LRP1B: variants seen among roughly 807,000 people sequenced by gnomAD.
The protein encoded by LRP1B is low-density lipoprotein receptor-related protein 1B.
Under a neutral mutation model 556.6 loss-of-function variants are expected in LRP1B, and 217 were observed. The observed-to-expected ratio is 0.39, with a 90% confidence interval of 0.35 to 0.44. LRP1B has a LOEUF of 0.44. Among genes scored for constraint, LRP1B ranks in the 20% least tolerant of loss-of-function variants. The probability of loss-of-function intolerance (pLI) is 1.00; values close to 1 mark genes in which losing one functional copy is unlikely to be tolerated. For missense variants in LRP1B, 5,053 were observed against 5,620.8 expected, an observed-to-expected ratio of 0.90 and a Z score of 3.23; for synonymous variants, 2,047 against 1,865.8, an observed-to-expected ratio of 1.10 and a Z score of -2.50.
chr2:142,111,683 A>T (rs926314435), intron 1 of LRP1B, among the ~76,000 whole-genome samples: 1 of 152,128 alleles, frequency 6.6e-6, no homozygotes, highest in South Asian at 2.1e-4. Flanking sequence ...CATCTGTTAC[A>T]GTGGGGATTC....
chr2:141,786,535 G>A (rs183281279), intron 2 of LRP1B, among the ~76,000 whole-genome samples: 1 of 151,966 alleles, frequency 6.6e-6, no homozygotes, highest in East Asian at 1.9e-4. Context: ...GCTTTTTTCT[G>A]TGTAATATAT....
intron 2 of LRP1B, among the ~76,000 whole-genome samples, chr2:141,502,977 C>T (rs1301046409): frequency 6.6e-6 from 1 of 150,644 alleles, no homozygotes; most frequent in African/African-American, 2.4e-5. Context: ...TTTTAAATCT[C>T]TAAGGCTATT....
At chr2:141,816,788 G>A (rs1385415638) in intron 1 of LRP1B, among the ~76,000 whole-genome samples, 1 of 151,444 alleles carries the variant, frequency 6.6e-6, no homozygotes, top group East Asian at 1.9e-4. Context: ...ATTCAAAAAT[G>A]ACATTTTTTT....
At chr2:141,691,394 C>T (rs1326091613) in intron 2 of LRP1B, among the ~76,000 whole-genome samples, 2 of 142,504 alleles carry the variant, frequency 1.4e-5, no homozygotes, top group East Asian at 2.2e-4. Context: ...TCCCAGTGAC[C>T]AGATGGAAAC....
At chr2:140,546,647 G>C (rs1158651758) in intron 43 of LRP1B, among the ~76,000 whole-genome samples, 1 of 151,958 alleles carries the variant, frequency 6.6e-6, no homozygotes. Context: ...CCTCCCACAG[G>C]GTCCCTCCCG....
chr2:140,360,893 A>G (rs1682472657), intron 72 of LRP1B, among the ~76,000 whole-genome samples: 1 of 151,500 alleles, frequency 6.6e-6, no homozygotes, highest in African/African-American at 2.4e-5. Context: ...GCTGTTTCCT[A>G]TAATTTACTT....
At chr2:141,544,314 T>G (rs1461521828) in intron 2 of LRP1B, among the ~76,000 whole-genome samples, 2 of 23,708 alleles carry the variant, frequency 8.4e-5, no homozygotes, top group African/African-American at 5.1e-4. Context: ...CTTCTTCTTC[T>G]TCTTCTTCTT....
At chr2:142,113,148 A>T (rs1707063043) in intron 1 of LRP1B, among the ~76,000 whole-genome samples, 1 of 152,054 alleles carries the variant, frequency 6.6e-6, no homozygotes, top group South Asian at 2.1e-4. Flanking sequence ...TTGCCCAAGG[A>T]CAAAGAGTGA....
intron 15 of LRP1B, among the ~76,000 whole-genome samples, chr2:140,996,585 T>C (rs2380920): frequency 0.52 from 78,959 of 151,770 alleles, 22,990 homozygotes; most frequent in Non-Finnish European, 0.65. Flanking sequence ...GTGTAGAGTT[T>C]ATGCTCAAAA....
chr2:140,508,107 C>A (rs191113422), intron 52 of LRP1B, among the ~76,000 whole-genome samples: 6 of 152,202 alleles, frequency 3.9e-5, no homozygotes, highest in Admixed American at 3.9e-4. Flanking sequence ...ATAACAGCAA[C>A]AATTACAATA....
chr2:140,989,534 G>A lies in LRP1B; in HGVS notation c.2768C>T (p.Thr923Ile), dbSNP rs749122914. ...SNEDESNQTC[T>I]ARTCQVDQFS... ...TGTATATCCAAGCAAACCTTTACCTGTGCAAGTTTGATTGGATTCATCTTC... is the reference window on the plus strand; with the variant it reads ...TGTATATCCAAGCAAACCTTTACCTATGCAAGTTTGATTGGATTCATCTTC... Residue 923 changes from threonine to isoleucine, a missense_variant and splice_region_variant, in exon 17 of 91, where the codon ACA becomes ATA. Thr to Ile is a moderately conservative substitution (Grantham distance 89, BLOSUM62 -1). Coordinates refer to ENST00000389484, the MANE Select transcript of LRP1B (RefSeq NM_018557.3). 9.3e-6 allele frequency: 15 copies of A among 1,612,860 alleles called. No individual in the cohort carries two copies. The highest frequency in any genetic ancestry group is 1.2e-5 in the Non-Finnish European group (14 of 1,179,226).
intron 1 of LRP1B, among the ~76,000 whole-genome samples, chr2:142,124,714 T>C (rs1707577093): frequency 6.6e-6 from 1 of 151,908 alleles, no homozygotes; most frequent in Non-Finnish European, 1.5e-5. Flanking sequence ...TATATAAATA[T>C]GTAGTTACTA....
intron 22 of LRP1B, 38 bp from the exon 23 acceptor site, chr2:140,903,203 T>C: frequency 6.2e-7 from 1 of 1,600,076 alleles, no homozygotes; most frequent in Non-Finnish European, 8.5e-7. Flanking sequence ...GTCTTATCAA[T>C]TGCTTTCCTC....
intron 82 of LRP1B, among the ~76,000 whole-genome samples, chr2:140,317,290 G>T (rs1440214150): frequency 1.3e-5 from 2 of 152,088 alleles, no homozygotes; most frequent in Non-Finnish European, 2.9e-5. Flanking sequence ...GAGACTCTCA[G>T]AACTTCGTAT....
intron 49 of LRP1B, among the ~76,000 whole-genome samples, chr2:140,521,021 T>C (rs1307208007): frequency 6.6e-6 from 1 of 151,550 alleles, no homozygotes. Context: ...TTTTAGAAAA[T>C]GAACAAAGCT....
intron 7 of LRP1B, among the ~76,000 whole-genome samples, chr2:141,091,244 T>A (rs888854479): frequency 1.3e-5 from 2 of 152,082 alleles, no homozygotes; most frequent in African/African-American, 4.8e-5. Flanking sequence ...TTGCTCTGAA[T>A]GAAAACAGAG....
At chr2:141,759,446 T>C (rs928003462) in intron 2 of LRP1B, among the ~76,000 whole-genome samples, 1 of 152,066 alleles carries the variant, frequency 6.6e-6, no homozygotes, top group Non-Finnish European at 1.5e-5. Context: ...AGCTATGAAA[T>C]ATAGGGATAG....
chr2:141,287,713 C>T (rs968523547), intron 3 of LRP1B, among the ~76,000 whole-genome samples: 1 of 152,120 alleles, frequency 6.6e-6, no homozygotes, highest in African/African-American at 2.4e-5. Flanking sequence ...TGGTGAGAGA[C>T]TATTTCCTGC....
intron 1 of LRP1B, among the ~76,000 whole-genome samples, chr2:142,083,170 G>T (rs1041314447): frequency 6.6e-6 from 1 of 152,176 alleles, no homozygotes; most frequent in South Asian, 2.1e-4. Context: ...CCAGCAAGAA[G>T]TTTCTGGGGG....
Sources: allele counts gnomAD v4.1 joint callset (sites outside exome capture counted in the v4.1 genomes callset), GRCh38; gene constraint gnomAD v4.1.1; transcripts MANE v1.5; gene names NCBI Gene and HGNC (gene_info 2026-07-23, HGNC 2026-07-21).